The following GRB2 variants were observed in gnomAD, a reference collection of about 807,000 sequenced individuals.
The protein encoded by GRB2 is growth factor receptor bound protein 2, also known as growth factor receptor-bound protein 2.
In GRB2, 2 loss-of-function variants were observed where a neutral mutation model predicts 27.4. The ratio of observed to expected loss-of-function variants is 0.07; its 90% CI spans 0.03 to 0.23. The LOEUF is 0.23. Among genes scored for constraint, GRB2 ranks in the 10% least tolerant of loss-of-function variants. The pLI is 1.00. For missense variants in GRB2, 102 were observed against 282.4 expected, an observed-to-expected ratio of 0.36 and a Z score of 4.58; for synonymous variants, 94 against 99.6, an observed-to-expected ratio of 0.94 and a Z score of 0.33.
chr17:75,328,943 AT>A (rs1376904313), intron 3 of GRB2, among the ~76,000 whole-genome samples: 5 of 119,852 alleles, frequency 4.2e-5, no homozygotes, highest in Non-Finnish European at 7.0e-5. Flanking sequence ...CTTTCAAAAA[AT>A]AAATAAATAA....
intron 2 of GRB2, among the ~76,000 whole-genome samples, chr17:75,354,131 A>T (rs1281821620): frequency 6.6e-6 from 1 of 152,100 alleles, no homozygotes; most frequent in East Asian, 1.9e-4. Context: ...TTTATACTTG[A>T]AGGCTATTTC....
At chr17:75,396,675 A>G (rs1386434358) in intron 1 of GRB2, among the ~76,000 whole-genome samples, 4 of 152,142 alleles carry the variant, frequency 2.6e-5, no homozygotes, top group Non-Finnish European at 5.9e-5. Context: ...GGGGAGAGTG[A>G]GCCACCACGC....
intron 2 of GRB2, among the ~76,000 whole-genome samples, chr17:75,349,135 A>C (rs1598230471): frequency 6.6e-6 from 1 of 152,200 alleles, no homozygotes; most frequent in East Asian, 1.9e-4. Flanking sequence ...TAAGCAAAGT[A>C]ATTTTCCCTC....
chr17:75,374,628 C>A (rs2078880331), intron 2 of GRB2, among the ~76,000 whole-genome samples: 1 of 151,272 alleles, frequency 6.6e-6, no homozygotes, highest in South Asian at 2.1e-4. Flanking sequence ...CACACACAAA[C>A]ACACACACTC....
At position 75,393,570 on chromosome 17, in the gene GRB2, T is replaced by C. The variant is rs776356926; in HGVS notation, c.59A>G (p.Lys20Arg). The C allele has an allele frequency of 1.9e-6, 3 of 1,614,050 alleles. No homozygotes were observed. Among genetic ancestry groups the C allele is most frequent in the African/African-American group, 1.3e-5 (1 of 74,926 alleles). ...KATADDELSF[K>R]RGDILKVLNE... The stretch of plus-strand genomic sequence containing the variant: ...ACTTACCTTGAGGATGTCCCCCCTT[T>C]TGAAGCTCAGCTCGTCGTCTGCAGT... Residue 20 changes from lysine to arginine, a missense_variant, in exon 2 of 6, where the codon AAA becomes AGA. Transcript: ENST00000316804.
chr17:75,325,924 A>G lies in GRB2; in HGVS notation c.273T>C (p.Ala91=). Residue 91 remains alanine (A), a synonymous_variant, in exon 4 of 6, where the codon GCT becomes GCC. Transcript: ENST00000316804. ...TGACAGAGAGGGAGAAGTCCCCAGG[A>G]GCGCTCTCACTCTCTCGGATAAGAA... ...GAFLIRESES[A]PGDFSLSVKF... The G allele has an allele frequency of 6.2e-7, 1 of 1,613,744 alleles. No homozygotes were observed. The highest frequency in any genetic ancestry group is 8.5e-7 in the Non-Finnish European group (1 of 1,179,794).
intron 1 of GRB2, among the ~76,000 whole-genome samples, chr17:75,397,853 ATTTT>A (rs869152226): frequency 6.7e-6 from 1 of 150,346 alleles, no homozygotes; most frequent in African/African-American, 2.5e-5. Context: ...TTATTTATTT[ATTTT>A]TTGAGACAGC....
intron 2 of GRB2, among the ~76,000 whole-genome samples, chr17:75,353,140 G>A (rs1287297408): frequency 2.0e-5 from 3 of 148,758 alleles, no homozygotes; most frequent in South Asian, 2.1e-4. Flanking sequence ...AGCCGAGATC[G>A]CGCCACTGCA....
At chr17:75,375,702 T>C (rs953268269) in intron 2 of GRB2, among the ~76,000 whole-genome samples, 3 of 151,688 alleles carry the variant, frequency 2.0e-5, no homozygotes, top group Non-Finnish European at 2.9e-5. Flanking sequence ...GCAAATATGG[T>C]GAAACCTCGT....
chr17:75,374,597 G>A (rs2078879733), intron 2 of GRB2, among the ~76,000 whole-genome samples: 1 of 151,154 alleles, frequency 6.6e-6, no homozygotes, highest in African/African-American at 2.4e-5. Context: ...GGTGGCACAT[G>A]CCTGTAGTCA....
chr17:75,322,444 G>C (rs2078467032), intron 4 of GRB2, among the ~76,000 whole-genome samples: 1 of 151,620 alleles, frequency 6.6e-6, no homozygotes, highest in Non-Finnish European at 1.5e-5. Context: ...TAAGACAAAG[G>C]AGTGTGACTT....
chr17:75,387,451 T>TA (rs61300061), intron 2 of GRB2: 15,699 of 137,366 alleles, frequency 0.11, 1,428 homozygotes, highest in African/African-American at 0.26. Context: ...GACTCTGTCT[T>TA]AAAAAAAAAA....
chr17:75,385,079 A>ACAAAC (rs144471655), intron 2 of GRB2, among the ~76,000 whole-genome samples: 41 of 148,206 alleles, frequency 2.8e-4, no homozygotes, highest in East Asian at 1.6e-3. Context: ...AAACAAACAA[A>ACAAAC]AAAACCCTTA....
At chr17:75,388,604 C>CTT (rs1355100758) in intron 2 of GRB2, among the ~76,000 whole-genome samples, 2 of 139,806 alleles carry the variant, frequency 1.4e-5, no homozygotes, top group Admixed American at 7.2e-5. Context: ...AAGAAAAACA[C>CTT]TTTTTTTTTT....
At chr17:75,332,336 C>T (rs1198150081) in intron 3 of GRB2, among the ~76,000 whole-genome samples, 1 of 152,158 alleles carries the variant, frequency 6.6e-6, no homozygotes, top group African/African-American at 2.4e-5. Flanking sequence ...TACCGTCCCA[C>T]AGCATTAGCA....
At chr17:75,371,127 T>C (rs2033608) in intron 2 of GRB2, 97,394 of 152,252 alleles carry the variant, frequency 0.64, 37,317 homozygotes, top group East Asian at 0.91. Flanking sequence ...CTGGGCAACA[T>C]GGCAAGACCT....
chr17:75,326,451 G>A (rs1773419048), intron 3 of GRB2: 6 of 169,210 alleles, frequency 3.5e-5, no homozygotes, highest in African/African-American at 1.2e-4. Flanking sequence ...ACCACAGTGG[G>A]ACTAAGGGAA....
At chr17:75,325,624 G>C (rs954064241) in intron 4 of GRB2, among the ~76,000 whole-genome samples, 1 of 152,244 alleles carries the variant, frequency 6.6e-6, no homozygotes, top group Non-Finnish European at 1.5e-5. Flanking sequence ...AGAAGCTCAG[G>C]AGTGCTGGGC....
chr17:75,339,820 A>G (rs865973633), intron 2 of GRB2, among the ~76,000 whole-genome samples: 2 of 151,938 alleles, frequency 1.3e-5, no homozygotes, highest in Middle Eastern at 6.8e-3. Flanking sequence ...GTAGAGATGG[A>G]GTTTCGCCAT....
Sources: gnomAD v4.1 joint callset for allele counts (sites outside exome capture counted in the v4.1 genomes callset) on GRCh38, gnomAD v4.1.1 for gene constraint, MANE v1.5 for transcripts, NCBI Gene and HGNC (gene_info 2026-07-23, HGNC 2026-07-21) for gene names.